The following CDH4 variants were observed in gnomAD, a reference collection of about 807,000 sequenced individuals.
CDH4 encodes cadherin 4, also known as cadherin-4.
Under a neutral mutation model 86.0 loss-of-function variants are expected in CDH4, and 33 were observed. The ratio of observed to expected loss-of-function variants is 0.38; its 90% CI spans 0.29 to 0.51. The LOEUF is 0.51. Among genes scored for constraint, CDH4 ranks in the 20% least tolerant of loss-of-function variants. The pLI is 0.86. For missense variants in CDH4, 1,114 were observed against 1,307.4 expected (o/e 0.85, Z 2.28); for synonymous variants, 555 against 549.4 (o/e 1.01, Z -0.14).
At chr20:61,400,765 C>T (rs1430924294) in intron 2 of CDH4, among the ~76,000 whole-genome samples, 1 of 152,150 alleles carries the variant, frequency 6.6e-6, no homozygotes, top group African/African-American at 2.4e-5. Context: ...CACCAGAGGG[C>T]TTCGGGGCCG....
rs113173913 is a variant in CDH4, at chr20:61,390,705, A to T, written c.169+135768A>T. On this transcript the variant is annotated intron_variant, in intron 2 of 15. Coordinates refer to ENST00000614565, the MANE Select transcript of CDH4 (RefSeq NM_001794.5). ...CGTGCGGTCATAGGGTGCCCATAGC[A>T]CCGTGTCTGGGAGACCCCGATTGAG... 6.5e-5 allele frequency among the ~76,000 whole-genome samples: 6 copies of T among 93,018 alleles called. No homozygotes were observed. The East Asian group carries it at 3.3e-3, about 51-fold the overall frequency. The allele number at this position is 93,018 out of a possible 152,430, so 61.0% of individuals were successfully genotyped here. A position where few individuals can be genotyped will look rare whatever the true frequency, so the allele number is the denominator to read the frequency against.
intron 2 of CDH4, among the ~76,000 whole-genome samples, chr20:61,625,122 G>A (rs941622613): frequency 1.1e-4 from 17 of 152,264 alleles, no homozygotes; most frequent in Middle Eastern, 3.4e-3. Context: ...CTAATAGGAC[G>A]TGTAAGAATC....
intron 2 of CDH4, among the ~76,000 whole-genome samples, chr20:61,604,777 A>G (rs2086629587): frequency 6.6e-6 from 1 of 152,148 alleles, no homozygotes; most frequent in South Asian, 2.1e-4. Context: ...TCTTCCATCC[A>G]GCAGCTTGCA....
intron 2 of CDH4, among the ~76,000 whole-genome samples, chr20:61,353,764 CCAGTTCACCT>C (rs2084730394): frequency 4.2e-5 from 6 of 141,814 alleles, no homozygotes; most frequent in African/African-American, 7.9e-5. Context: ...ATGATTCACC[CCAGTTCACCT>C]TCCACTGGGT....
At chr20:61,531,198 A>G (rs915405437) in intron 2 of CDH4, among the ~76,000 whole-genome samples, 1 of 152,160 alleles carries the variant, frequency 6.6e-6, no homozygotes, top group Non-Finnish European at 1.5e-5. Context: ...CAGGCCAGGC[A>G]TAGTGGCTCA....
intron 2 of CDH4, among the ~76,000 whole-genome samples, chr20:61,257,468 A>G (rs1423292074): frequency 6.6e-6 from 1 of 152,230 alleles, no homozygotes; most frequent in African/African-American, 2.4e-5. Flanking sequence ...GGAGCCGCGA[A>G]GTATGGAAAT....
At chr20:61,494,324 C>T (rs888598769) in intron 2 of CDH4, among the ~76,000 whole-genome samples, 10 of 152,226 alleles carry the variant, frequency 6.6e-5, no homozygotes, top group Non-Finnish European at 1.3e-4. Flanking sequence ...AATCTATCAA[C>T]TTGAATAGAC....
chr20:61,569,279 T>G (rs1253539337), intron 2 of CDH4, among the ~76,000 whole-genome samples: 1 of 152,246 alleles, frequency 6.6e-6, no homozygotes. Flanking sequence ...GCTCAATTAA[T>G]GCTAGCTCTG....
chr20:61,692,293 CTGTGTG>C, intron 2 of CDH4, among the ~76,000 whole-genome samples: 1 of 149,412 alleles, frequency 6.7e-6, no homozygotes, highest in Non-Finnish European at 1.5e-5. Flanking sequence ...GTGTGTGTGT[CTGTGTG>C]TGTGTGTATG....
chr20:61,514,791 C>T (rs1227580778), intron 2 of CDH4, among the ~76,000 whole-genome samples: 1 of 152,186 alleles, frequency 6.6e-6, no homozygotes, highest in African/African-American at 2.4e-5. Flanking sequence ...GAATGTGGGC[C>T]TCGATATTCA....
At chr20:61,727,627 G>A (rs2088131780) in intron 2 of CDH4, among the ~76,000 whole-genome samples, 1 of 152,224 alleles carries the variant, frequency 6.6e-6, no homozygotes, top group Non-Finnish European at 1.5e-5. Context: ...GAGGGCCTCA[G>A]GAAGCTTCCA....
chr20:61,403,219 G>A (rs1201263460), intron 2 of CDH4, among the ~76,000 whole-genome samples: 2 of 152,160 alleles, frequency 1.3e-5, no homozygotes, highest in African/African-American at 4.8e-5. Flanking sequence ...AGCAGGAGGC[G>A]GGTCTTGATC....
intron 2 of CDH4, among the ~76,000 whole-genome samples, chr20:61,472,889 A>G (rs891667052): frequency 6.6e-6 from 1 of 152,066 alleles, no homozygotes; most frequent in African/African-American, 2.4e-5. Context: ...GGCTTAACCA[A>G]CCCTCCACAA....
rs2084068560 is a variant in CDH4, at chr20:61,252,620, A to T, written c.57+50A>T. On this transcript the variant is annotated intron_variant, in intron 1 of 15. Coordinates refer to ENST00000614565, the MANE Select transcript of CDH4 (RefSeq NM_001794.5). The surrounding 1 kb of genome is among the most constrained non-coding windows in gnomAD (Gnocchi z 4.4). ...CCGTTCGGAAGCCCCGGGCAGCGGG[A>T]GGTCGTCCCCGGATCCCGCGGGGCG... The T allele has an allele frequency of 9.7e-6, 11 of 1,130,528 alleles. No individual in the cohort carries two copies. The highest frequency in any genetic ancestry group is 1.2e-5 in the Non-Finnish European group (11 of 905,510). 70.0% of individuals were successfully genotyped at this position (1,130,528 alleles called of 1,614,324 possible).
intron 2 of CDH4, among the ~76,000 whole-genome samples, chr20:61,522,722 G>A (rs1017240301): frequency 3.9e-5 from 5 of 127,940 alleles, no homozygotes; most frequent in Non-Finnish European, 3.8e-5. Flanking sequence ...GTTGTCTTCC[G>A]CGGAAATGGC....
chr20:61,821,227 C>T (rs572923981), intron 4 of CDH4, among the ~76,000 whole-genome samples: 2 of 143,858 alleles, frequency 1.4e-5, no homozygotes, highest in South Asian at 4.7e-4. Context: ...GCAGCCCCCA[C>T]CCCAGCCCAG....
chr20:61,832,876 T>C (rs537623807), intron 4 of CDH4, among the ~76,000 whole-genome samples: 1 of 152,304 alleles, frequency 6.6e-6, no homozygotes, highest in South Asian at 2.1e-4. Flanking sequence ...GACCTCTTAT[T>C]TCTGTGCCCC....
At chr20:61,328,507 G>A (rs1032362423) in intron 2 of CDH4, among the ~76,000 whole-genome samples, 13 of 152,230 alleles carry the variant, frequency 8.5e-5, no homozygotes, top group African/African-American at 2.9e-4. Flanking sequence ...AGTTTTGCCA[G>A]GTGCAGTGGC....
At chr20:61,629,263 G>GC (rs1306995214) in intron 2 of CDH4, among the ~76,000 whole-genome samples, 8 of 152,302 alleles carry the variant, frequency 5.3e-5, no homozygotes, top group Admixed American at 3.3e-4. Context: ...ACCCAGCCCA[G>GC]CCCCCCAGCC....
Sources: allele counts gnomAD v4.1 joint callset (sites outside exome capture counted in the v4.1 genomes callset), GRCh38; gene constraint gnomAD v4.1.1; non-coding constraint Gnocchi (gnomAD v3.1); transcripts MANE v1.5; gene names NCBI Gene and HGNC (gene_info 2026-07-23, HGNC 2026-07-21).